IL23R: variants seen among roughly 807,000 people sequenced by gnomAD.
IL23R encodes the protein interleukin-23 receptor.
In IL23R, 34 loss-of-function variants were observed where a neutral mutation model predicts 56.9. That is an observed-to-expected ratio of 0.60 (90% CI 0.45 to 0.80). The LOEUF (loss-of-function observed/expected upper bound fraction) is 0.80, where lower values mean the gene tolerates loss of function less well. Ranked by LOEUF, IL23R falls within the 30% of genes least tolerant of loss-of-function variation. The pLI is 0.00. For missense variants in IL23R, 635 were observed against 730.0 expected (o/e 0.87, Z 1.50); for synonymous variants, 230 against 249.2 (o/e 0.92, Z 0.73).
chr1:67,153,689 T>C (rs1203400636), intron 1 of IL23R, among the ~76,000 whole-genome samples: 2 of 152,170 alleles, frequency 1.3e-5, no homozygotes, highest in African/African-American at 2.4e-5. Flanking sequence ...AATTTCTACC[T>C]CAATTTTGTT....
chr1:67,229,194 T>C (rs752603030), intron 7 of IL23R, among the ~76,000 whole-genome samples: 5 of 152,220 alleles, frequency 3.3e-5, no homozygotes, highest in Admixed American at 2.6e-4. Flanking sequence ...TTCCATCTGA[T>C]TGGCTATAAA....
Position 67,168,164 on chromosome 1 carries a change from A to G in IL23R, c.44A>G (p.Tyr15Cys), listed in dbSNP as rs774581386. The G allele has an allele frequency of 1.4e-5, 23 of 1,611,758 alleles. No individual in the cohort carries two copies. In the South Asian group the frequency reaches 2.4e-4, roughly 17 times the overall value. ...CAATGGGATGCAGTAATAGCCCTTT[A>G]CATACTCTTCAGCTGGTGTCATGGA... ...TIQWDAVIAL[Y>C]ILFSWCHGGI... Residue 15 changes from tyrosine to cysteine, a missense_variant, in exon 2 of 11, where the codon TAC (tyrosine) becomes TGC (cysteine). Transcript: ENST00000347310.
chr1:67,209,985 A>G (rs901254952), intron 6 of IL23R, among the ~76,000 whole-genome samples: 2 of 152,214 alleles, frequency 1.3e-5, no homozygotes, highest in African/African-American at 4.8e-5. Flanking sequence ...CTGAAATTTG[A>G]CAGGCATCCA....
At chr1:67,255,664 C>G (rs753350248) in intron 9 of IL23R, among the ~76,000 whole-genome samples, 173 bp from the exon 10 acceptor site, 18 of 152,036 alleles carry the variant, frequency 1.2e-4, no homozygotes, top group Non-Finnish European at 2.2e-4. Flanking sequence ...GTCTCGAACT[C>G]CTGGACTCAA....
At position 67,182,944 on chromosome 1, in the gene IL23R, T is replaced by A. The variant is rs149318636; in HGVS notation, c.476T>A (p.Val159Glu). Residue 159 changes from valine to glutamate, a missense_variant, in exon 4 of 11, where the codon GTG becomes GAG. By Grantham distance (121) the Val-to-Glu change is moderately radical. Transcript: ENST00000347310. The stretch of plus-strand genomic sequence containing the variant: ...CTCACCTACATAGACACAAAATACG[T>A]GGTACATGTGAAGAGGTAGGTCACT... ...GKLTYIDTKYVVHVKSLETEE... is the reference protein window; with the variant it reads ...GKLTYIDTKYEVHVKSLETEE... 34 of 1,613,798 alleles carry A rather than the reference T, an allele frequency of 2.1e-5. No homozygotes were observed. The highest frequency in any genetic ancestry group is 2.8e-5 in the Non-Finnish European group (33 of 1,179,906).
At chr1:67,177,002 T>A (rs1230498887) in intron 3 of IL23R, among the ~76,000 whole-genome samples, 3 of 152,244 alleles carry the variant, frequency 2.0e-5, no homozygotes, top group Non-Finnish European at 4.4e-5. Flanking sequence ...CACATTTTTT[T>A]AATCCACTCT....
At chr1:67,146,914 A>G (rs548624867) in intron 1 of IL23R, among the ~76,000 whole-genome samples, 1 of 152,186 alleles carries the variant, frequency 6.6e-6, no homozygotes, top group Non-Finnish European at 1.5e-5. Context: ...TGCTGGTTAT[A>G]GAACATCACT....
chr1:67,246,257 A>C (rs1388209792), intron 9 of IL23R, among the ~76,000 whole-genome samples: 1 of 152,116 alleles, frequency 6.6e-6, no homozygotes, highest in Non-Finnish European at 1.5e-5. Flanking sequence ...TTTTCAAAAA[A>C]CCAGCTCCTG....
chr1:67,264,803 A>G (rs1000894284), downstream of IL23R, among the ~76,000 whole-genome samples: 2 of 152,224 alleles, frequency 1.3e-5, no homozygotes, highest in African/African-American at 2.4e-5. Flanking sequence ...ATGCATTCCC[A>G]TTATGATTAT....
intron 7 of IL23R, among the ~76,000 whole-genome samples, chr1:67,227,961 T>A (rs1428507949): frequency 5.3e-5 from 2 of 37,458 alleles, no homozygotes; most frequent in Non-Finnish European, 1.1e-4. Flanking sequence ...TTTCTTTCTT[T>A]CTTTCTTTCT....
At position 67,210,283 on chromosome 1, in the gene IL23R, C is replaced by T. The variant is rs148011252; in HGVS notation, c.798+3228C>T. On this transcript the variant is annotated intron_variant, in intron 6 of 10. Coordinates refer to ENST00000347310, the MANE Select transcript of IL23R (RefSeq NM_144701.3). ...ATCAGATAACAGCACCTGGGAACAA[C>T]GTAATAAAACTCAGTAATTTCAGCT... 1.8e-3 allele frequency among the ~76,000 whole-genome samples: 274 copies of T among 152,168 alleles called. 1 individual carries two copies. Among genetic ancestry groups the T allele is most frequent in the African/African-American group, 5.7e-3 (236 of 41,528 alleles).
chr1:67,200,414 G>T lies in IL23R; in HGVS notation c.492-323G>T, dbSNP rs1252149724. 4.1e-5 allele frequency among the ~76,000 whole-genome samples: 6 copies of T among 145,386 alleles called. No individual in the cohort carries two copies. In the South Asian group the frequency reaches 1.1e-3, roughly 26 times the overall value. ...CTTTTTTTCTTTTTTTTTTTTTTGAGACAGAGTCTCACTCTGTTGCCCAGG... is the reference window on the plus strand; with the variant it reads ...CTTTTTTTCTTTTTTTTTTTTTTGATACAGAGTCTCACTCTGTTGCCCAGG... On this transcript the variant is annotated intron_variant, in intron 4 of 10. Coordinates refer to ENST00000347310, the MANE Select transcript of IL23R (RefSeq NM_144701.3).
intron 6 of IL23R, among the ~76,000 whole-genome samples, chr1:67,211,989 A>G (rs1311542793): frequency 1.3e-5 from 2 of 152,254 alleles, no homozygotes; most frequent in Non-Finnish European, 2.9e-5. Context: ...AAGTCAAGCC[A>G]GATTTTTTTG....
intron 7 of IL23R, among the ~76,000 whole-genome samples, chr1:67,228,055 TTC>T (rs1364415447): frequency 1.9e-5 from 2 of 107,448 alleles, no homozygotes; most frequent in Non-Finnish European, 3.7e-5. Context: ...CTTTCTTTCT[TTC>T]TTTCTCTGTC....
chr1:67,166,017 T>C (rs567064525), upstream of IL23R, among the ~76,000 whole-genome samples: 15 of 152,344 alleles, frequency 9.8e-5, no homozygotes, highest in African/African-American at 3.6e-4. Flanking sequence ...CTTGATTGTA[T>C]AATAACTTCA....
At chr1:67,198,279 G>A (rs1220395717) in intron 4 of IL23R, among the ~76,000 whole-genome samples, 1 of 152,176 alleles carries the variant, frequency 6.6e-6, no homozygotes, top group Non-Finnish European at 1.5e-5. Context: ...GAGGAGCAAA[G>A]AAGCATTCTC....
chr1:67,166,721 T>G (rs11465759), intron 1 of IL23R, among the ~76,000 whole-genome samples, 180 bp downstream of exon 1: 3,488 of 152,314 alleles, frequency 0.023, 120 homozygotes, highest in African/African-American at 0.08. Context: ...TATTGCATAT[T>G]TCCATCAGTT....
At chr1:67,138,865 C>A (rs79459911), upstream of IL23R, 1 of 152,480 alleles carries the variant, frequency 6.6e-6, no homozygotes, top group African/African-American at 2.4e-5. Flanking sequence ...GAGATCACAA[C>A]ACCCTGACCA....
At chr1:67,154,778 G>T (rs1570759988) in intron 1 of IL23R, among the ~76,000 whole-genome samples, 1 of 151,994 alleles carries the variant, frequency 6.6e-6, no homozygotes, top group Admixed American at 6.6e-5. Context: ...GGGGCATTTA[G>T]CCCATTTACA....
Sources: allele counts gnomAD v4.1 joint callset (sites outside exome capture counted in the v4.1 genomes callset), GRCh38; gene constraint gnomAD v4.1.1; transcripts MANE v1.5; gene names NCBI Gene and HGNC (gene_info 2026-07-23, HGNC 2026-07-21).